Variants in UNC13C observed in about 807,000 individuals in gnomAD.
UNC13C encodes protein unc-13 homolog C.
UNC13C carries 174 observed loss-of-function variants against 245.4 expected under a neutral mutation model. That is an observed-to-expected ratio of 0.71 (90% CI 0.63 to 0.80). The LOEUF (loss-of-function observed/expected upper bound fraction) is 0.80, where lower values mean the gene tolerates loss of function less well. Among genes scored for constraint, UNC13C ranks in the 30% least tolerant of loss-of-function variants. The probability of loss-of-function intolerance (pLI) is 0.00; values close to 1 mark genes in which losing one functional copy is unlikely to be tolerated. For missense variants in UNC13C, 2,829 were observed against 2,602.9 expected (o/e 1.09, Z -1.89); for synonymous variants, 992 against 895.1 (o/e 1.11, Z -1.93).
At chr15:54,098,101 G>C (rs1206340910) in intron 2 of UNC13C, among the ~76,000 whole-genome samples, 1 of 152,216 alleles carries the variant, frequency 6.6e-6, no homozygotes, top group African/African-American at 2.4e-5. Flanking sequence ...GGCCAGGACA[G>C]GCCATTCTGG....
intron 30 of UNC13C, among the ~76,000 whole-genome samples, chr15:54,587,484 A>G (rs1596621645): frequency 1.3e-5 from 2 of 152,344 alleles, no homozygotes; most frequent in African/African-American, 4.8e-5. Flanking sequence ...AAATAGAGAT[A>G]TGATAGTTTA....
rs1349646590 is a variant in UNC13C, at chr15:54,236,417, C to G, written c.3151-13C>G. The G allele has an allele frequency of 3.8e-6, 6 of 1,590,568 alleles. No individual in the cohort carries two copies. In the Admixed American group the frequency reaches 1.0e-4, roughly 27 times the overall value. ...ATTTACATTTTGTTTCCTCTCACTT[C>G]TGGAATCTTCAGGCCATGGTAAGTG... On this transcript the variant is annotated splice_polypyrimidine_tract_variant and intron_variant, in intron 5 of 32. Transcript: ENST00000260323.
intron 4 of UNC13C, among the ~76,000 whole-genome samples, chr15:54,173,396 CTG>C (rs1267650890): frequency 6.7e-6 from 1 of 149,352 alleles, no homozygotes; most frequent in Admixed American, 6.6e-5. Context: ...CAATTTCTCT[CTG>C]TGCTTTTTTT....
At chr15:54,362,818 T>G (rs1268033347) in intron 17 of UNC13C, among the ~76,000 whole-genome samples, 2 of 152,126 alleles carry the variant, frequency 1.3e-5, no homozygotes, top group Non-Finnish European at 2.9e-5. Context: ...AAAAAAGGTG[T>G]TCTACGAGTA....
chr15:54,170,974 C>A (rs550685382), intron 4 of UNC13C, among the ~76,000 whole-genome samples: 39 of 152,034 alleles, frequency 2.6e-4, no homozygotes, highest in Non-Finnish European at 4.4e-4. Context: ...TTCACAAAGT[C>A]CACGTGTACA....
chr15:54,598,317 A>G (rs1249863294), intron 30 of UNC13C, among the ~76,000 whole-genome samples: 1 of 152,166 alleles, frequency 6.6e-6, no homozygotes, highest in Non-Finnish European at 1.5e-5. Context: ...CTGGCCTCCA[A>G]CTGCTGACCT....
At chr15:54,432,433 G>A (rs186870165) in intron 19 of UNC13C, among the ~76,000 whole-genome samples, 49 of 151,862 alleles carry the variant, frequency 3.2e-4, no homozygotes, top group Non-Finnish European at 5.6e-4. Context: ...TTAGAACTCA[G>A]GATTAAGAAA....
At chr15:54,482,801 C>G (rs577188561) in intron 19 of UNC13C, among the ~76,000 whole-genome samples, 2 of 152,172 alleles carry the variant, frequency 1.3e-5, no homozygotes, top group Admixed American at 6.5e-5. Flanking sequence ...GTATATTTTA[C>G]TTTTTGTCAG....
the UNC13C span, among the ~76,000 whole-genome samples, chr15:53,951,688 A>T: frequency 2.0e-5 from 3 of 152,302 alleles, no homozygotes; most frequent in Admixed American, 6.5e-5. Flanking sequence ...CCGCAAATCC[A>T]TGTTTTTAAC....
chr15:54,129,887 C>CT (rs200515577), intron 2 of UNC13C, among the ~76,000 whole-genome samples: 3,691 of 98,582 alleles, frequency 0.037, 149 homozygotes, highest in African/African-American at 0.11. Flanking sequence ...ACGTTATTGT[C>CT]TTTTTTTTTG....
intron 4 of UNC13C, among the ~76,000 whole-genome samples, chr15:54,157,059 G>C (rs1323700285): frequency 6.6e-6 from 1 of 152,038 alleles, no homozygotes; most frequent in South Asian, 2.1e-4. Flanking sequence ...CTGGGATCAG[G>C]GCAAAACTGC....
At chr15:54,457,753 G>C (rs1294222050) in intron 19 of UNC13C, among the ~76,000 whole-genome samples, 2 of 151,686 alleles carry the variant, frequency 1.3e-5, no homozygotes, top group Non-Finnish European at 2.9e-5. Context: ...AGCTTATTTG[G>C]ATCTTCTCTC....
intron 30 of UNC13C, among the ~76,000 whole-genome samples, chr15:54,598,155 C>T (rs1899204385): frequency 6.6e-6 from 1 of 152,154 alleles, no homozygotes; most frequent in Non-Finnish European, 1.5e-5. Context: ...CGCTGGAATA[C>T]CATCTTGGCT....
the UNC13C span, among the ~76,000 whole-genome samples, chr15:53,894,049 A>G: frequency 5.4e-4 from 83 of 152,314 alleles, no homozygotes; most frequent in African/African-American, 1.8e-3. Context: ...TGGAGCACAC[A>G]GTTCCTCAGG....
intron 14 of UNC13C, among the ~76,000 whole-genome samples, chr15:54,330,589 C>T (rs1028731819): frequency 2.0e-5 from 3 of 151,980 alleles, no homozygotes; most frequent in East Asian, 1.9e-4. Context: ...AGATGTTACA[C>T]GAATCACACT....
chr15:54,595,998 G>GA (rs915175338), intron 30 of UNC13C, among the ~76,000 whole-genome samples: 210 of 148,936 alleles, frequency 1.4e-3, no homozygotes, highest in African/African-American at 4.9e-3. Context: ...AGAATTTGAA[G>GA]AAAAAAAAAA....
intron 19 of UNC13C, among the ~76,000 whole-genome samples, chr15:54,445,460 C>A (rs1890756799): frequency 6.6e-6 from 1 of 152,114 alleles, no homozygotes; most frequent in Admixed American, 6.6e-5. Context: ...CTCTCCAGCA[C>A]CTGTTGTTTC....
intron 30 of UNC13C, among the ~76,000 whole-genome samples, chr15:54,612,591 G>A (rs1201009510): frequency 6.6e-6 from 1 of 151,906 alleles, no homozygotes; most frequent in Non-Finnish European, 1.5e-5. Context: ...ACTCCTCCTA[G>A]AACATTCAAT....
intron 10 of UNC13C, among the ~76,000 whole-genome samples, chr15:54,293,572 A>G (rs1390449987): frequency 1.3e-5 from 2 of 152,066 alleles, no homozygotes; most frequent in African/African-American, 2.4e-5. Context: ...ATTTTTATCA[A>G]GATAACTATT....
Sources: gnomAD v4.1 joint callset for allele counts (sites outside exome capture counted in the v4.1 genomes callset) on GRCh38, gnomAD v4.1.1 for gene constraint, MANE v1.5 for transcripts, NCBI Gene and HGNC (gene_info 2026-07-23, HGNC 2026-07-21) for gene names.